Variants in CFTR observed in about 807,000 individuals in gnomAD.
CFTR encodes cystic fibrosis transmembrane conductance regulator.
CFTR carries 181 observed loss-of-function variants against 171.6 expected under a neutral mutation model. The ratio of observed to expected loss-of-function variants is 1.05; its 90% confidence interval spans 0.93 to 1.19. CFTR has a LOEUF of 1.19. Ranked by LOEUF, CFTR falls within the 50% of genes most tolerant of loss-of-function variation. The pLI, the probability that CFTR is intolerant of heterozygous loss-of-function variation, is 0.00. For synonymous variants in CFTR, 583 were observed against 608.0 expected (o/e 0.96, Z 0.60); for missense variants, 1,968 against 1,734.7 (o/e 1.13, Z -2.39).
At chr7:117,584,934 GT>G (rs59417037) in intron 11 of CFTR, among the ~76,000 whole-genome samples, 64,765 of 148,506 alleles carry the variant, frequency 0.44, 15,717 homozygotes, top group African/African-American at 0.66. Flanking sequence ...TTTTTTGTTT[GT>G]TTTGTTTTGT....
At chr7:117,572,510 T>C (rs975965503) in intron 11 of CFTR, among the ~76,000 whole-genome samples, 6 of 152,234 alleles carry the variant, frequency 3.9e-5, no homozygotes, top group Non-Finnish European at 1.5e-5. Context: ...ATTATGTTGA[T>C]AGATATCATA....
At chr7:117,521,595 C>T (rs1212357373) in intron 3 of CFTR, among the ~76,000 whole-genome samples, 4 of 151,932 alleles carry the variant, frequency 2.6e-5, no homozygotes, top group Non-Finnish European at 4.4e-5. Flanking sequence ...ATTAAACTGT[C>T]CTATTATTCT....
At chr7:117,503,939 G>A (rs1388848170) in intron 1 of CFTR, among the ~76,000 whole-genome samples, 2 of 152,076 alleles carry the variant, frequency 1.3e-5, no homozygotes, top group Non-Finnish European at 2.9e-5. Flanking sequence ...TTATTTGGGG[G>A]CAGTTATTTT....
intron 23 of CFTR, among the ~76,000 whole-genome samples, chr7:117,643,848 A>G (rs1481787698): frequency 1.3e-5 from 2 of 152,154 alleles, no homozygotes; most frequent in East Asian, 3.8e-4. Context: ...GTTCACACAA[A>G]TCTGCCCATT....
rs1323046521 is a variant in CFTR at position 117,612,023 on chromosome 7, G to GTGTATA, written c.3367+216_3367+217insGTATAT. Among the ~76,000 whole-genome samples the GTGTATA allele has an allele frequency of 1.4e-3, 77 of 53,226 alleles. 1 individual carries two copies. The highest frequency in any genetic ancestry group is 8.2e-3 in the Admixed American group (41 of 4,998). The allele number at this position is 53,226 out of a possible 152,430, so 34.9% of individuals were successfully genotyped here. A position where few individuals can be genotyped will look rare whatever the true frequency, so the allele number is the denominator to read the frequency against. ...TGAAATCGGATATATATATATATAT[G>GTGTATA]TATATATATATATATATATATATAT... On this transcript the variant is annotated intron_variant, in intron 20 of 26. Transcript: ENST00000003084.
intron 22 of CFTR, among the ~76,000 whole-genome samples, chr7:117,634,077 T>C (rs1188250801): frequency 1.3e-5 from 2 of 152,132 alleles, no homozygotes; most frequent in African/African-American, 4.8e-5. Flanking sequence ...GTAAAATTCC[T>C]ACTTTAAATA....
intron 3 of CFTR, among the ~76,000 whole-genome samples, chr7:117,516,369 T>C (rs2116650710): frequency 6.6e-6 from 1 of 152,318 alleles, no homozygotes; most frequent in East Asian, 1.9e-4. Context: ...CTGTATAGTA[T>C]AGCTATAGTA....
intron 21 of CFTR, among the ~76,000 whole-genome samples, chr7:117,621,849 C>A (rs1337447428): frequency 6.6e-6 from 1 of 152,158 alleles, no homozygotes; most frequent in Admixed American, 6.6e-5. Flanking sequence ...TGATGTCCAA[C>A]CTTTTACATG....
At chr7:117,558,117 T>G (rs758727527) in intron 10 of CFTR, among the ~76,000 whole-genome samples, 24 of 152,122 alleles carry the variant, frequency 1.6e-4, no homozygotes, top group Non-Finnish European at 2.8e-4. Flanking sequence ...TTATTATGTT[T>G]TGTTTTATGT....
chr7:117,535,202 T>A lies in CFTR; in HGVS notation c.580-46T>A, dbSNP rs113661425. On this transcript the variant is annotated intron_variant, in intron 5 of 26. Coordinates refer to ENST00000003084, the MANE Select transcript of CFTR (RefSeq NM_000492.4). ...ATATATGATTGTTAGTTTCTAGGGG[T>A]GGAAGATACAATGACACCTGTTTTT... 10 of 1,597,974 alleles carry A rather than the reference T, an allele frequency of 6.3e-6. No homozygotes were observed. In the African/African-American group the frequency reaches 8.0e-5, roughly 13 times the overall value.
chr7:117,551,769 A>G (rs971594059), intron 10 of CFTR, among the ~76,000 whole-genome samples: 1 of 152,210 alleles, frequency 6.6e-6, no homozygotes, highest in Non-Finnish European at 1.5e-5. Flanking sequence ...CTTGACTGAA[A>G]GCTGGCTTAT....
Position 117,603,764 on chromosome 7 carries a change from C to G in CFTR, c.2890C>G (p.Leu964Val). ...HSVLQAPMST[L>V]NTLKAGGILN... ...TGTTCTTCAAGCACCTATGTCAACC[C>G]TCAACACGTTGAAAGCAGGTACTTT... The change falls in exon 17 of 27, where the codon CTC becomes GTC. Residue 964 changes from leucine to valine, a missense_variant. Coordinates refer to ENST00000003084, the MANE Select transcript of CFTR (RefSeq NM_000492.4). 6.2e-7 allele frequency: 1 copy of G among 1,613,948 alleles called. No individual in the cohort carries two copies.
chr7:117,628,756 C>CAT (rs1312610942), intron 22 of CFTR, among the ~76,000 whole-genome samples: 3 of 151,944 alleles, frequency 2.0e-5, no homozygotes, highest in Non-Finnish European at 2.9e-5. Flanking sequence ...TCTGTGAAAA[C>CAT]ATATATATAG....
intron 11 of CFTR, among the ~76,000 whole-genome samples, chr7:117,573,916 G>A (rs1425950857): frequency 6.6e-6 from 1 of 152,038 alleles, no homozygotes; most frequent in African/African-American, 2.4e-5. Flanking sequence ...ATAACTCCAA[G>A]GGAACTCGAA....
intron 11 of CFTR, among the ~76,000 whole-genome samples, chr7:117,581,104 G>T (rs1247530883): frequency 6.6e-6 from 1 of 152,068 alleles, no homozygotes; most frequent in Non-Finnish European, 1.5e-5. Flanking sequence ...AAATTAATTG[G>T]TCATCTCTAG....
chr7:117,646,153 C>A lies in CFTR; in HGVS notation c.3873+3560C>A, dbSNP rs184222133. 2.7e-3 allele frequency among the ~76,000 whole-genome samples: 414 copies of A among 152,186 alleles called. 4 individuals carry two copies. Among genetic ancestry groups the A allele is most frequent in the African/African-American group, 9.4e-3 (392 of 41,502 alleles). ...TGTAAAATGAGTATAATGGTAGTAACTAATTCATTGTGTTTTTGTGAGGAT... is the reference window on the plus strand; with the variant it reads ...TGTAAAATGAGTATAATGGTAGTAAATAATTCATTGTGTTTTTGTGAGGAT... On this transcript the variant is annotated intron_variant, in intron 23 of 26. Coordinates refer to ENST00000003084, the MANE Select transcript of CFTR (RefSeq NM_000492.4).
intron 21 of CFTR, among the ~76,000 whole-genome samples, chr7:117,627,121 C>T (rs997409819): frequency 2.6e-5 from 4 of 151,984 alleles, no homozygotes; most frequent in Non-Finnish European, 4.4e-5. Context: ...TAAGGTAGTT[C>T]GAGAGAAAGA....
intron 3 of CFTR, among the ~76,000 whole-genome samples, chr7:117,529,644 A>G (rs548158663): frequency 1.3e-3 from 205 of 152,260 alleles, no homozygotes; most frequent in African/African-American, 4.8e-3. Context: ...AATCAATGAC[A>G]GCTCTATATG....
chr7:117,625,884 T>C (rs1020110308), intron 21 of CFTR, among the ~76,000 whole-genome samples: 3 of 152,140 alleles, frequency 2.0e-5, no homozygotes, highest in African/African-American at 7.2e-5. Context: ...TCAAAGTTAA[T>C]CAAGAATGAC....
Sources: gnomAD v4.1 joint callset for allele counts (sites outside exome capture counted in the v4.1 genomes callset) on GRCh38, gnomAD v4.1.1 for gene constraint, MANE v1.5 for transcripts, NCBI Gene and HGNC (gene_info 2026-07-23, HGNC 2026-07-21) for gene names.